Variants in SLC25A53 observed in about 807,000 individuals in gnomAD.
The protein encoded by SLC25A53 is solute carrier family 25 member 53.
In SLC25A53, 5 loss-of-function variants were observed where a neutral mutation model predicts 15.0. The observed-to-expected ratio is 0.33, with a 90% CI of 0.17 to 0.70. The LOEUF (loss-of-function observed/expected upper bound fraction) is 0.70, where lower values mean the gene tolerates loss of function less well. SLC25A53 is among the 30% of genes least tolerant of loss of function. SLC25A53 has a pLI of 0.67. For synonymous variants in SLC25A53, 95 were observed against 100.0 expected (o/e 0.95, Z 0.30); for missense variants, 216 against 241.6 (o/e 0.89, Z 0.70).
At chrX:104,111,923 A>G (rs2075346722) in intron 1 of SLC25A53, among the ~76,000 whole-genome samples, 1 of 111,813 alleles carries the variant, frequency 8.9e-6, no homozygotes, top group Non-Finnish European at 1.9e-5. Context: ...GTTTTTCTCC[A>G]CTATCCCTTA....
chrX:104,108,816 C>T (rs1255314511), intron 1 of SLC25A53, among the ~76,000 whole-genome samples: 24 of 111,823 alleles, frequency 2.1e-4, no homozygotes, highest in African/African-American at 7.2e-4. Context: ...TCAGCCAGTC[C>T]TTTGGTCTGC....
intron 1 of SLC25A53, chrX:104,115,336 G>A (rs1556361077): frequency 1.8e-6 from 2 of 1,142,413 alleles, no homozygotes; most frequent in South Asian, 2.1e-5. Context: ...ATCTAGTCCA[G>A]CCCTAAATGA....
At chrX:104,135,669 C>T (rs1381132045) in intron 1 of SLC25A53, among the ~76,000 whole-genome samples, 3 of 111,224 alleles carry the variant, frequency 2.7e-5, no homozygotes, top group Non-Finnish European at 3.8e-5. Context: ...ATCCAATGGG[C>T]AACCTGTTAC....
At chrX:104,106,954 A>G (rs782363383) in intron 1 of SLC25A53, among the ~76,000 whole-genome samples, 22 of 93,544 alleles carry the variant, frequency 2.4e-4, no homozygotes, top group African/African-American at 5.0e-4. Flanking sequence ...TATCCCCACA[A>G]TCTCATTCTA....
chrX:104,122,682 A>G (rs886170681), intron 1 of SLC25A53, among the ~76,000 whole-genome samples: 2 of 111,949 alleles, frequency 1.8e-5, no homozygotes, highest in Non-Finnish European at 3.8e-5. Context: ...AACAAGCAGG[A>G]CATTTTGCTA....
At chrX:104,146,806 T>C (rs1287138118) in intron 1 of SLC25A53, among the ~76,000 whole-genome samples, 8 of 109,920 alleles carry the variant, frequency 7.3e-5, no homozygotes, top group Non-Finnish European at 1.3e-4. Flanking sequence ...TAAAAGAGGA[T>C]ACAAACAAAT....
intron 1 of SLC25A53, among the ~76,000 whole-genome samples, chrX:104,146,350 C>T (rs1342865253): frequency 2.7e-5 from 3 of 111,927 alleles, no homozygotes; most frequent in Admixed American, 1.9e-4. Flanking sequence ...GCCAATATCA[C>T]ACTGACTGGG....
At chrX:104,147,543 C>G (rs782176499) in intron 1 of SLC25A53, among the ~76,000 whole-genome samples, 1 of 101,901 alleles carries the variant, frequency 9.8e-6, no homozygotes, top group African/African-American at 3.6e-5. Flanking sequence ...ATTTTTGCAA[C>G]CTACTCATCT....
intron 1 of SLC25A53, among the ~76,000 whole-genome samples, chrX:104,123,928 T>A (rs782566009): frequency 2.7e-5 from 3 of 111,991 alleles, no homozygotes; most frequent in African/African-American, 6.5e-5. Flanking sequence ...TTCCATGGTG[T>A]ATATGTGCCA....
At chrX:104,107,302 C>T (rs1249025426) in intron 1 of SLC25A53, among the ~76,000 whole-genome samples, 1 of 112,436 alleles carries the variant, frequency 8.9e-6, no homozygotes, top group African/African-American at 3.2e-5. Context: ...CCTACCCCCA[C>T]ATTCCATGAT....
intron 1 of SLC25A53, among the ~76,000 whole-genome samples, chrX:104,120,977 A>G (rs1377887372): frequency 1.8e-5 from 2 of 112,549 alleles, no homozygotes; most frequent in Non-Finnish European, 3.8e-5. Context: ...TTGGGTTTCT[A>G]ATAATAAACC....
chrX:104,147,929 G>A (rs113619477), intron 1 of SLC25A53, among the ~76,000 whole-genome samples: 17,720 of 110,627 alleles, frequency 0.16, 1,231 homozygotes, highest in Non-Finnish European at 0.23. Context: ...AATACCATTT[G>A]ACCCAGCCAT....
At chrX:104,127,262 G>T (rs1556364608) in intron 1 of SLC25A53, among the ~76,000 whole-genome samples, 1 of 112,130 alleles carries the variant, frequency 8.9e-6, no homozygotes, top group East Asian at 2.8e-4. Context: ...ACATTGTATA[G>T]GACTCTATTT....
In SLC25A53 at chrX:104,104,364, C is replaced by T. The variant is rs138837474; in HGVS notation, c.894G>A (p.Ser298=). ...CAGTCTTCAGCTCTTTCCTGGAGTG[C>T]GACTTCCTCTGCAGGAAGTCATGGA... The part of the protein sequence containing the change: ...TAIHDFLQRK[S]HSRKELKTD The change falls in exon 2 of 2, where the codon TCG becomes TCA. Residue 298 remains serine (S), a synonymous_variant. Coordinates refer to ENST00000594199, the MANE Select transcript of SLC25A53 (RefSeq NM_001012755.5). 5.6e-5 allele frequency: 68 copies of T among 1,208,651 alleles called. No homozygotes were observed. Among genetic ancestry groups the T allele is most frequent in the African/African-American group, 4.6e-4 (26 of 57,112 alleles).
chrX:104,147,272 C>T (rs1324777997), intron 1 of SLC25A53, among the ~76,000 whole-genome samples: 1 of 110,845 alleles, frequency 9.0e-6, no homozygotes, highest in Non-Finnish European at 1.9e-5. Flanking sequence ...GAAACTGGAT[C>T]CCTTCCTTAC....
intron 1 of SLC25A53, among the ~76,000 whole-genome samples, chrX:104,134,615 T>C (rs2075432512): frequency 9.0e-6 from 1 of 111,713 alleles, no homozygotes; most frequent in Admixed American, 9.5e-5. Flanking sequence ...ACCTCATAGG[T>C]GGGTTGTGAG....
intron 1 of SLC25A53, chrX:104,112,097 G>A (rs1556359037): frequency 8.9e-6 from 1 of 112,014 alleles, no homozygotes; most frequent in Non-Finnish European, 1.9e-5. Flanking sequence ...CGGCTGCTGA[G>A]AAGAGGAAAG....
intron 1 of SLC25A53, among the ~76,000 whole-genome samples, chrX:104,145,229 T>A (rs1336575216): frequency 1.8e-5 from 2 of 111,494 alleles, no homozygotes; most frequent in African/African-American, 6.5e-5. Context: ...AATAACAAAA[T>A]GAAGGCAGAA....
chrX:104,135,269 G>A (rs1556366257), intron 1 of SLC25A53, among the ~76,000 whole-genome samples: 1 of 109,727 alleles, frequency 9.1e-6, no homozygotes, highest in Non-Finnish European at 1.9e-5. Flanking sequence ...GCATCCCCTG[G>A]CAAGCTTCTA....
Sources: allele counts gnomAD v4.1 joint callset (sites outside exome capture counted in the v4.1 genomes callset), GRCh38; gene constraint gnomAD v4.1.1; transcripts MANE v1.5; gene names NCBI Gene and HGNC (gene_info 2026-07-23, HGNC 2026-07-21).